The following ATP2C2 variants were observed in gnomAD, a reference collection of about 807,000 sequenced individuals.
ATP2C2 encodes calcium-transporting ATPase type 2C member 2.
In ATP2C2, 171 loss-of-function variants were observed where a neutral mutation model predicts 110.8. The ratio of observed to expected loss-of-function variants is 1.54; its 90% CI spans 1.36 to 1.75. The LOEUF is 1.75. Ranked by LOEUF, ATP2C2 falls within the 40% of genes most tolerant of loss-of-function variation. The pLI is 0.00. For missense variants in ATP2C2, 1,963 were observed against 1,235.0 expected, an observed-to-expected ratio of 1.59 and a Z score of -8.84; for synonymous variants, 804 against 508.4, an observed-to-expected ratio of 1.58 and a Z score of -7.82.
intron 1 of ATP2C2, among the ~76,000 whole-genome samples, chr16:84,396,834 G>T (rs1378991352): frequency 6.6e-6 from 1 of 151,920 alleles, no homozygotes; most frequent in Non-Finnish European, 1.5e-5. Context: ...CCTGCTTAAA[G>T]ATCTGCGTAA....
chr16:84,416,741 A>G (rs1288815966), intron 7 of ATP2C2, among the ~76,000 whole-genome samples: 1 of 152,104 alleles, frequency 6.6e-6, no homozygotes, highest in East Asian at 1.9e-4. Context: ...AGCACCAGAT[A>G]CAGATCCTCT....
chr16:84,440,992 A>T (rs1237963328), intron 14 of ATP2C2, 34 bp downstream of exon 14: 1 of 1,528,748 alleles, frequency 6.5e-7, no homozygotes, highest in Admixed American at 1.8e-5. Context: ...GGAAATAGGC[A>T]TTTACATTGA....
At chr16:84,446,460 C>A in intron 16 of ATP2C2, 30 bp downstream of exon 16, 1 of 1,501,946 alleles carries the variant, frequency 6.7e-7, no homozygotes, top group Non-Finnish European at 9.0e-7. Flanking sequence ...AACCTCTTCT[C>A]TCTTTCTGCC....
rs950129539 is a variant in ATP2C2 at position 84,415,713 on chromosome 16, A to G, written c.624+122A>G. ...CACACATGCTCAAACATACATGCAC[A>G]TGCATACACACAAGACAGGAAGTTA... is the stretch of plus-strand genomic sequence containing the variant. On this transcript the variant is annotated intron_variant, in intron 7 of 26. Transcript: ENST00000262429. 8 of 721,094 alleles carry G rather than the reference A, an allele frequency of 1.1e-5. No homozygotes were observed. In the African/African-American group the frequency reaches 1.3e-4, roughly 11 times the overall value. The allele number at this position is 721,094 out of a possible 1,614,324, so 44.7% of individuals were successfully genotyped here.
At chr16:84,453,010 G>A in intron 18 of ATP2C2, 128 bp from the exon 19 acceptor site, 2 of 910,870 alleles carry the variant, frequency 2.2e-6, no homozygotes, top group Non-Finnish European at 3.4e-6. Context: ...GTGCAGCATG[G>A]TAGGTCCTCA....
chr16:84,415,367 G>C, intron 6 of ATP2C2, 116 bp from the exon 7 acceptor site: 1 of 836,602 alleles, frequency 1.2e-6, no homozygotes, highest in South Asian at 1.4e-5. Context: ...AAGGCACAGG[G>C]TTGGTGTATA....
At chr16:84,459,477 G>T (rs1168955517) in intron 23 of ATP2C2, 91 bp downstream of exon 23, 4 of 1,598,382 alleles carry the variant, frequency 2.5e-6, no homozygotes, top group Admixed American at 1.7e-5. Context: ...AGGCTATAGG[G>T]ATGAACAAAT....
chr16:84,432,161 A>G (rs949095383), intron 11 of ATP2C2, among the ~76,000 whole-genome samples: 4 of 152,136 alleles, frequency 2.6e-5, no homozygotes, highest in Non-Finnish European at 5.9e-5. Flanking sequence ...GTGTTTCGTT[A>G]CGTGAATAAG....
At chr16:84,401,486 T>G (rs1905318541) in intron 2 of ATP2C2, among the ~76,000 whole-genome samples, 1 of 152,072 alleles carries the variant, frequency 6.6e-6, no homozygotes, top group Non-Finnish European at 1.5e-5. Flanking sequence ...CATCTTTAAT[T>G]CATTTTTATT....
chr16:84,368,968 C>A (rs959953598), intron 1 of ATP2C2, among the ~76,000 whole-genome samples: 3 of 152,202 alleles, frequency 2.0e-5, no homozygotes, highest in African/African-American at 7.2e-5. Flanking sequence ...TAAGTATATT[C>A]CCTAAGGGGC....
Position 84,463,679 on chromosome 16 carries a change from G to A in ATP2C2, c.2788G>A (p.Glu930Lys). Reference sequence around the variant, plus strand: ...TTTGTCAGAGCTCCTCAAACTATGTGAAAAATACTGTTGCAGCCCCAAGAG... The same window carrying A: ...TTTGTCAGAGCTCCTCAAACTATGTAAAAAATACTGTTGCAGCCCCAAGAG... ...FILSELLKLC[E>K]KYCCSPKRVQ... is the part of the protein sequence containing the mutation. Residue 930 changes from glutamate to lysine, a missense_variant, in exon 27 of 27, where the codon GAA becomes AAA. Coordinates refer to ENST00000262429, the MANE Select transcript of ATP2C2 (RefSeq NM_014861.4). 1 of 1,614,198 alleles carries A rather than the reference G, an allele frequency of 6.2e-7. No individual in the cohort carries two copies. The highest frequency in any genetic ancestry group is 8.5e-7 in the Non-Finnish European group (1 of 1,180,026).
intron 7 of ATP2C2, 129 bp from the exon 8 acceptor site, chr16:84,422,261 C>A: frequency 8.9e-7 from 1 of 1,126,502 alleles, no homozygotes; most frequent in South Asian, 1.7e-5. Flanking sequence ...GTCGTTGTGA[C>A]ACTCATTCTG....
chr16:84,376,390 T>G (rs995736153), intron 1 of ATP2C2, among the ~76,000 whole-genome samples: 2 of 152,150 alleles, frequency 1.3e-5, no homozygotes, highest in African/African-American at 4.8e-5. Flanking sequence ...CCACTTGATA[T>G]AGATTATTGG....
At chr16:84,391,225 G>C (rs969275769) in intron 1 of ATP2C2, among the ~76,000 whole-genome samples, 2 of 151,894 alleles carry the variant, frequency 1.3e-5, no homozygotes, top group African/African-American at 4.8e-5. Context: ...ACCAGGATGC[G>C]CCACTCTCAT....
At chr16:84,444,880 C>T (rs1001212231) in intron 15 of ATP2C2, among the ~76,000 whole-genome samples, 1 of 152,224 alleles carries the variant, frequency 6.6e-6, no homozygotes, top group Non-Finnish European at 1.5e-5. Context: ...TCTTACCTGT[C>T]TCACCTGCTC....
intron 3 of ATP2C2, among the ~76,000 whole-genome samples, chr16:84,406,925 C>T (rs1233315500): frequency 6.6e-6 from 1 of 152,162 alleles, no homozygotes. Context: ...CAAGGATCCT[C>T]CTCCAGCCTC....
chr16:84,374,636 G>C (rs899502193), intron 1 of ATP2C2, among the ~76,000 whole-genome samples: 3 of 152,088 alleles, frequency 2.0e-5, no homozygotes, highest in Admixed American at 6.6e-5. Flanking sequence ...GTTGCTGCTT[G>C]GTGGCCATCA....
In ATP2C2 at chr16:84,405,148, G is replaced by C; in HGVS notation, c.231G>C (p.Leu77=). 4 of 1,614,034 alleles carry C rather than the reference G, an allele frequency of 2.5e-6. No homozygotes were observed. The highest frequency in any genetic ancestry group is 3.4e-6 in the Non-Finnish European group (4 of 1,180,024). Residue 77 remains leucine, a synonymous_variant, in exon 3 of 27, where the codon CTG becomes CTC. Coordinates refer to ENST00000262429, the MANE Select transcript of ATP2C2 (RefSeq NM_014861.4). ...RAFCVDLHTG[L]SEFSVTQRRL... The stretch of plus-strand genomic sequence containing the variant: ...TCCAGGTGGACTTACACACTGGGCT[G>C]TCGGAGTTCTCGGTGACGCAGCGCC...
intron 7 of ATP2C2, among the ~76,000 whole-genome samples, chr16:84,419,208 TAAAA>T (rs59552270): frequency 4.8e-4 from 23 of 47,494 alleles, no homozygotes; most frequent in African/African-American, 1.5e-3. Context: ...ACCCCATCTT[TAAAA>T]AAAAAAAAAA....
Sources: gnomAD v4.1 joint callset for allele counts (sites outside exome capture counted in the v4.1 genomes callset) on GRCh38, gnomAD v4.1.1 for gene constraint, MANE v1.5 for transcripts, NCBI Gene and HGNC (gene_info 2026-07-23, HGNC 2026-07-21) for gene names.